The following VWF variants were observed in gnomAD, a reference collection of about 807,000 sequenced individuals.
The protein encoded by VWF is von Willebrand factor.
In VWF, 176 loss-of-function variants were observed where a neutral mutation model predicts 308.6. The observed-to-expected ratio is 0.57, with a 90% CI of 0.50 to 0.65. The LOEUF is 0.65. VWF is among the 30% of genes least tolerant of loss of function. The probability of loss-of-function intolerance (pLI) is 0.00; values close to 1 mark genes in which losing one functional copy is unlikely to be tolerated. For synonymous variants in VWF, 1,385 were observed against 1,443.4 expected (o/e 0.96, Z 0.92); for missense variants, 3,146 against 3,648.2 (o/e 0.86, Z 3.55).
At chr12:6,014,308 C>T (rs1944033495) in intron 31 of VWF, among the ~76,000 whole-genome samples, 1 of 152,174 alleles carries the variant, frequency 6.6e-6, no homozygotes, top group African/African-American at 2.4e-5. Flanking sequence ...GCCAAGACTA[C>T]AGAGCAGAGG....
At chr12:6,115,779 C>T (rs1000122141) in intron 3 of VWF, among the ~76,000 whole-genome samples, 9 of 152,134 alleles carry the variant, frequency 5.9e-5, no homozygotes, top group African/African-American at 2.2e-4. Flanking sequence ...TGGTCTCTAC[C>T]CACTAGATGC....
intron 13 of VWF, among the ~76,000 whole-genome samples, chr12:6,061,094 G>A (rs376207910): frequency 3.3e-5 from 5 of 152,162 alleles, no homozygotes; most frequent in African/African-American, 4.8e-5. Flanking sequence ...TCAGCTACTC[G>A]GGAGGTTGAG....
At chr12:5,963,533 G>A (rs1943342059) in intron 47 of VWF, among the ~76,000 whole-genome samples, 1 of 152,190 alleles carries the variant, frequency 6.6e-6, no homozygotes, top group Admixed American at 6.5e-5. Context: ...CCCATAGAAT[G>A]CTGGAAAAAA....
At chr12:6,012,162 C>A in intron 32 of VWF, 32 bp from the exon 33 acceptor site, 1 of 1,613,044 alleles carries the variant, frequency 6.2e-7, no homozygotes, top group African/African-American at 1.3e-5. Flanking sequence ...CCTTAGTTCC[C>A]ATCTTTCACC....
At chr12:6,092,662 T>G (rs1945061338) in intron 6 of VWF, among the ~76,000 whole-genome samples, 1 of 140,906 alleles carries the variant, frequency 7.1e-6, no homozygotes, top group East Asian at 2.1e-4. Context: ...TGTGTGTGTG[T>G]GTGTGTGTGT....
chr12:6,062,169 G>A (rs982316778), intron 13 of VWF, among the ~76,000 whole-genome samples: 3 of 152,124 alleles, frequency 2.0e-5, no homozygotes, highest in African/African-American at 7.2e-5. Context: ...TTTTAAGAGT[G>A]TAAAGGCATT....
chr12:6,057,822 C>T, intron 14 of VWF, 27 bp downstream of exon 14: 2 of 1,588,142 alleles, frequency 1.3e-6, no homozygotes, highest in African/African-American at 1.3e-5. Context: ...TCTGCGAGGT[C>T]CCTGCCTTGC....
intron 5 of VWF, among the ~76,000 whole-genome samples, chr12:6,107,206 G>A (rs1399641739): frequency 6.6e-6 from 1 of 152,168 alleles, no homozygotes; most frequent in Admixed American, 6.5e-5. Context: ...ATGAATTTTG[G>A]AAATATCAAG....
chr12:6,056,412 C>T (rs528898738), intron 15 of VWF, among the ~76,000 whole-genome samples: 20 of 150,594 alleles, frequency 1.3e-4, no homozygotes, highest in African/African-American at 4.9e-4. Context: ...TTTTGTCCAT[C>T]GGTGGTTTGC....
At chr12:6,021,058 C>T (rs1487729007) in intron 27 of VWF, 1 of 152,254 alleles carries the variant, frequency 6.6e-6, no homozygotes, top group Non-Finnish European at 1.5e-5. Flanking sequence ...TTTATTGCTT[C>T]AATCCTTGGT....
At chr12:6,073,527 G>T in intron 8 of VWF, 92 bp downstream of exon 8, 1 of 1,571,820 alleles carries the variant, frequency 6.4e-7, no homozygotes, top group South Asian at 1.1e-5. Flanking sequence ...TTCAGCAACG[G>T]GGAGCAAACA....
chr12:6,077,281 C>T (rs1417913713), intron 6 of VWF, among the ~76,000 whole-genome samples: 1 of 152,216 alleles, frequency 6.6e-6, no homozygotes, highest in Non-Finnish European at 1.5e-5. Context: ...TGCCACTGCA[C>T]TTCAGCCTGG....
At chr12:5,957,520 A>G (rs35926634) in intron 47 of VWF, among the ~76,000 whole-genome samples, 3 of 151,878 alleles carry the variant, frequency 2.0e-5, no homozygotes, top group Non-Finnish European at 4.4e-5. Flanking sequence ...AAAGCATCCA[A>G]TAGAAGGGGG....
At chr12:5,984,545 C>T (rs11063973) in intron 40 of VWF, among the ~76,000 whole-genome samples, 11,416 of 152,318 alleles carry the variant, frequency 0.075, 632 homozygotes, top group East Asian at 0.25. Flanking sequence ...GGGACAAAGG[C>T]ACTAATGATT....
At chr12:5,999,373 C>CT (rs1355200950) in intron 34 of VWF, among the ~76,000 whole-genome samples, 1 of 151,876 alleles carries the variant, frequency 6.6e-6, no homozygotes, top group African/African-American at 2.4e-5. Context: ...TGGAAAGTGA[C>CT]TGGAGACATA....
At chr12:6,070,151 A>G (rs1482685868) in intron 10 of VWF, among the ~76,000 whole-genome samples, 1 of 152,212 alleles carries the variant, frequency 6.6e-6, no homozygotes, top group East Asian at 1.9e-4. Flanking sequence ...GACATGGTGT[A>G]ATTACGTTCA....
At chr12:6,025,309 G>A (rs989142487) in intron 24 of VWF, among the ~76,000 whole-genome samples, 17 of 152,224 alleles carry the variant, frequency 1.1e-4, no homozygotes, top group African/African-American at 4.1e-4. Context: ...TCCTAAGACT[G>A]GGGCTGAAAG....
intron 38 of VWF, 94 bp from the exon 39 acceptor site, chr12:5,985,759 G>T: frequency 3.4e-6 from 4 of 1,188,034 alleles, no homozygotes; most frequent in East Asian, 2.5e-5. Flanking sequence ...TCCGGCAAGG[G>T]CCAGTCCCTG....
At chr12:6,038,529 G>GCGTTCATGGCCCAGGGAGAC (rs3835346) in intron 18 of VWF, among the ~76,000 whole-genome samples, 31,878 of 152,030 alleles carry the variant, frequency 0.21, 3,571 homozygotes, top group Non-Finnish European at 0.25. Flanking sequence ...AACCCACCAT[G>GCGTTCATGGCCCAGGGAGAC]CCTCCTGTCA....
Sources: allele counts gnomAD v4.1 joint callset (sites outside exome capture counted in the v4.1 genomes callset), GRCh38; gene constraint gnomAD v4.1.1; transcripts MANE v1.5; gene names NCBI Gene and HGNC (gene_info 2026-07-23, HGNC 2026-07-21).